GON4L: variants seen among roughly 807,000 people sequenced by gnomAD.
The protein encoded by GON4L is gon-4 like.
A neutral mutation model predicts 211.8 loss-of-function variants in GON4L; 87 were observed. The observed-to-expected ratio is 0.41, with a 90% CI of 0.35 to 0.49. The LOEUF is 0.49. Ranked by LOEUF, GON4L falls within the 20% of genes least tolerant of loss-of-function variation. The pLI, the probability that GON4L is intolerant of heterozygous loss-of-function variation, is 0.15. For missense variants in GON4L, 2,155 were observed against 2,659.5 expected (o/e 0.81, Z 4.17); for synonymous variants, 875 against 962.6 (o/e 0.91, Z 1.68).
Position 155,754,435 on chromosome 1 carries a change from T to G in GON4L, c.5571A>C (p.Gly1857=), listed in dbSNP as rs770695785. ...AKDCACSCHE[G]GPDSKLKKSK... ...TCTTCTTCAGCTTGGAATCTGGACC[T>G]CCTTCATGGCAGGAGCAGGCACAGT... Residue 1857 remains glycine, a synonymous_variant, in exon 28 of 32, where the codon GGA becomes GGC. Transcript: ENST00000368331. The G allele has an allele frequency of 1.2e-6, 2 of 1,612,334 alleles. No individual in the cohort carries two copies. Among genetic ancestry groups the G allele is most frequent in the Non-Finnish European group, 1.7e-6 (2 of 1,179,312 alleles).
At chr1:155,807,198 C>G (rs1418013441) in intron 10 of GON4L, among the ~76,000 whole-genome samples, 1 of 151,736 alleles carries the variant, frequency 6.6e-6, no homozygotes, top group African/African-American at 2.4e-5. Context: ...TCTAGGAGTT[C>G]AAGACCAGCT....
intron 23 of GON4L, among the ~76,000 whole-genome samples, chr1:155,761,640 C>T (rs1490616924): frequency 1.3e-5 from 2 of 151,774 alleles, no homozygotes; most frequent in South Asian, 4.2e-4. Context: ...GGATTACAGG[C>T]GCCCACCACC....
intron 1 of GON4L, among the ~76,000 whole-genome samples, chr1:155,855,806 C>T (rs1248139988): frequency 6.6e-6 from 1 of 151,800 alleles, no homozygotes; most frequent in Non-Finnish European, 1.5e-5. Flanking sequence ...TATGGTGAAA[C>T]GCTGTCTCTA....
chr1:155,820,919 T>C (rs895657984), intron 5 of GON4L, among the ~76,000 whole-genome samples: 1 of 152,034 alleles, frequency 6.6e-6, no homozygotes, highest in Non-Finnish European at 1.5e-5. Flanking sequence ...GCTTAGGAGT[T>C]TGAGTCCAGC....
intron 10 of GON4L, among the ~76,000 whole-genome samples, chr1:155,809,275 A>T (rs1025825933): frequency 6.6e-6 from 1 of 152,094 alleles, no homozygotes; most frequent in African/African-American, 2.4e-5. Flanking sequence ...AGTTCATAGC[A>T]CTTAACCACA....
chr1:155,751,634 C>A, intron 31 of GON4L, 133 bp downstream of exon 31: 1 of 666,244 alleles, frequency 1.5e-6, no homozygotes, highest in Non-Finnish European at 2.7e-6. Context: ...ATGAGTCAAG[C>A]CTTTCCTTAG....
intron 12 of GON4L, among the ~76,000 whole-genome samples, chr1:155,788,185 G>A (rs1665155410): frequency 6.6e-6 from 1 of 152,040 alleles, no homozygotes. Flanking sequence ...TAGCGACGGT[G>A]TTTCACCATG....
intron 11 of GON4L, among the ~76,000 whole-genome samples, chr1:155,802,581 C>CAA (rs2102058341): frequency 1.3e-5 from 2 of 152,266 alleles, no homozygotes; most frequent in South Asian, 4.1e-4. Context: ...ACAAAAGTTA[C>CAA]CCTGTCCTCT....
rs753631449 is a variant in GON4L, at chr1:155,822,425, G to C, written c.749C>G (p.Thr250Ser). 1.6e-5 allele frequency: 26 copies of C among 1,613,794 alleles called. No individual in the cohort carries two copies. The South Asian group carries it at 2.9e-4, about 18-fold the overall frequency. Residue 250 changes from threonine (T) to serine (S), a missense_variant, in exon 4 of 32, where the codon ACC becomes AGC. By Grantham distance (58) the Thr-to-Ser change is moderately conservative. Coordinates refer to ENST00000368331, the MANE Select transcript of GON4L (RefSeq NM_001282860.2). ...SEKRRKKKKGTKRKRDGRGQE... is the reference protein window; with the variant it reads ...SEKRRKKKKGSKRKRDGRGQE... ...ACCCCTTCCATCTCGTTTCCTCTTG[G>C]TACCCTTTTTCTTTTTTCTCCTTTT...
chr1:155,763,193 C>G, intron 22 of GON4L, 119 bp downstream of exon 22: 1 of 879,972 alleles, frequency 1.1e-6, no homozygotes, highest in East Asian at 2.5e-5. Context: ...CAGAAGAGAT[C>G]CAGAGGGTTT....
At chr1:155,761,124 G>A (rs983277485) in intron 23 of GON4L, among the ~76,000 whole-genome samples, 3 of 150,930 alleles carry the variant, frequency 2.0e-5, no homozygotes, top group African/African-American at 7.3e-5. Flanking sequence ...GTTACCAAGA[G>A]AAGGACACAG....
intron 23 of GON4L, among the ~76,000 whole-genome samples, chr1:155,761,960 T>C (rs1317051332): frequency 1.3e-5 from 2 of 152,228 alleles, no homozygotes; most frequent in Non-Finnish European, 2.9e-5. Context: ...TGCCAATCTC[T>C]GGTCAACAGA....
At chr1:155,855,961 AAC>A (rs971240854) in intron 1 of GON4L, among the ~76,000 whole-genome samples, 8 of 141,124 alleles carry the variant, frequency 5.7e-5, no homozygotes, top group Non-Finnish European at 1.2e-4. Context: ...CACCCTGGGC[AAC>A]AGAGGGAGAC....
intron 17 of GON4L, among the ~76,000 whole-genome samples, chr1:155,773,855 G>T (rs1380275922): frequency 6.6e-6 from 1 of 152,102 alleles, no homozygotes; most frequent in Non-Finnish European, 1.5e-5. Flanking sequence ...CCAGAAGAAA[G>T]CAACAGGTCA....
At chr1:155,852,335 T>C (rs141010634) in intron 2 of GON4L, among the ~76,000 whole-genome samples, 41 of 152,266 alleles carry the variant, frequency 2.7e-4, no homozygotes, top group African/African-American at 7.9e-4. Context: ...TTCATCTCAG[T>C]AGAGCCTTTC....
chr1:155,753,375 C>G lies in GON4L; in HGVS notation c.5671G>C (p.Glu1891Gln). The G allele has an allele frequency of 6.2e-7, 1 of 1,613,750 alleles. No homozygotes were observed. The highest frequency in any genetic ancestry group is 8.5e-7 in the Non-Finnish European group (1 of 1,179,780). ...CGGTGGGGGCTGCTGCCCACCAACT[C>G]ATGGGGCTCCTTGCTCTTGTAGGAT... ...SKSYKSKEPH[E>Q]LVGSSPHREA... The change falls in exon 29 of 32, where the codon GAG becomes CAG. Residue 1891 changes from glutamate to glutamine, a missense_variant. By Grantham distance (29) the Glu-to-Gln change is conservative. This residue lies in a region of GON4L where 455 missense variants were observed against 504.6 expected (regional missense o/e 0.90). Transcript: ENST00000368331.
In GON4L at chr1:155,815,839, G is replaced by A; in HGVS notation, c.1127C>T (p.Pro376Leu). 8.1e-6 allele frequency: 13 copies of A among 1,607,430 alleles called. No homozygotes were observed. Among genetic ancestry groups the A allele is most frequent in the Non-Finnish European group, 1.0e-5 (12 of 1,174,200 alleles). Residue 376 changes from proline to leucine, a missense_variant, in exon 8 of 32, where the codon CCG becomes CTG. Physicochemically the swap from Pro to Leu is moderately conservative, Grantham distance 98. Around this residue, in one of 6 missense-constraint regions of GON4L, gnomAD observed 551 missense variants for 854.0 expected, o/e 0.65. Coordinates refer to ENST00000368331, the MANE Select transcript of GON4L (RefSeq NM_001282860.2). ...AGTTTCATCTTCTTCTTCATCATCC[G>A]GCTGGTATTCTTCATCTGAGGAATC... ...EDDSSDEEYQ[P>L]DDEEEDETAE...
chr1:155,853,382 T>A lies in GON4L; in HGVS notation c.399A>T (p.Lys133Asn), dbSNP rs1252338929. The A allele has an allele frequency of 6.2e-7, 1 of 1,614,172 alleles. No homozygotes were observed. Among genetic ancestry groups the A allele is most frequent in the South Asian group, 1.1e-5 (1 of 91,086 alleles). Residue 133 changes from lysine (K) to asparagine (N), a missense_variant, in exon 2 of 32, where the codon AAA (lysine) becomes AAT (asparagine). Coordinates refer to ENST00000368331, the MANE Select transcript of GON4L (RefSeq NM_001282860.2). ...TAACTGGCCCAGGCCTGAGTGTCAT[T>A]TTTTTCCCTCTCTTTGAGCCAGTAG... ...LHATGSKRGK[K>N]MTLRPGPVTQ...
intron 1 of GON4L, among the ~76,000 whole-genome samples, chr1:155,856,934 G>A (rs1672341388): frequency 1.3e-5 from 2 of 152,210 alleles, no homozygotes; most frequent in African/African-American, 4.8e-5. Flanking sequence ...CCTCTCCTAG[G>A]AAAACATTTT....
Sources: allele counts gnomAD v4.1 joint callset (sites outside exome capture counted in the v4.1 genomes callset), GRCh38; gene constraint gnomAD v4.1.1; regional missense constraint gnomAD v4.1.1; transcripts MANE v1.5; gene names NCBI Gene and HGNC (gene_info 2026-07-23, HGNC 2026-07-21).